Variants in PPM1E observed in about 807,000 individuals in gnomAD.
PPM1E encodes the protein protein phosphatase 1E.
PPM1E carries 20 observed loss-of-function variants against 65.9 expected under a neutral mutation model. That is an observed-to-expected ratio of 0.30 (90% CI 0.21 to 0.44). PPM1E has a LOEUF of 0.44. Among genes scored for constraint, PPM1E ranks in the 20% least tolerant of loss-of-function variants. PPM1E has a pLI of 1.00. For synonymous variants in PPM1E, 352 were observed against 374.9 expected, an observed-to-expected ratio of 0.94 and a Z score of 0.70; for missense variants, 713 against 953.1, an observed-to-expected ratio of 0.75 and a Z score of 3.32.
At chr17:58,923,775 C>A (rs1489362963) in intron 1 of PPM1E, among the ~76,000 whole-genome samples, 1 of 149,210 alleles carries the variant, frequency 6.7e-6, no homozygotes, top group Admixed American at 6.7e-5. Context: ...GTCATTTGGA[C>A]ATGGTGGCTT....
intron 1 of PPM1E, among the ~76,000 whole-genome samples, chr17:58,924,757 G>A (rs1447054681): frequency 2.9e-5 from 4 of 139,242 alleles, no homozygotes; most frequent in Non-Finnish European, 1.5e-5. Context: ...GCCCCGGTGT[G>A]TGCTATTCCC....
At chr17:58,939,072 A>G (rs974003860) in intron 1 of PPM1E, among the ~76,000 whole-genome samples, 1 of 151,970 alleles carries the variant, frequency 6.6e-6, no homozygotes, top group African/African-American at 2.4e-5. Flanking sequence ...ACAGGTGTGC[A>G]CCACCACGCC....
At chr17:58,921,916 T>C (rs2051756782) in intron 1 of PPM1E, among the ~76,000 whole-genome samples, 1 of 151,758 alleles carries the variant, frequency 6.6e-6, no homozygotes, top group Admixed American at 6.6e-5. Context: ...GGCACGCACC[T>C]GTAATCCCAG....
At chr17:58,845,363 C>T (rs555210114) in intron 1 of PPM1E, among the ~76,000 whole-genome samples, 21 of 150,434 alleles carry the variant, frequency 1.4e-4, no homozygotes, top group African/African-American at 5.1e-4. Context: ...TTCTGTCTTA[C>T]CCATTTTTAA....
At chr17:58,823,797 C>T (rs895497658) in intron 1 of PPM1E, among the ~76,000 whole-genome samples, 2 of 152,210 alleles carry the variant, frequency 1.3e-5, no homozygotes, top group African/African-American at 4.8e-5. Flanking sequence ...GTGGCTCGAT[C>T]TCAGCTCACT....
chr17:58,764,146 T>A (rs1452764758), intron 1 of PPM1E, among the ~76,000 whole-genome samples: 1 of 151,924 alleles, frequency 6.6e-6, no homozygotes, highest in Non-Finnish European at 1.5e-5. Flanking sequence ...ACCAAGTTTT[T>A]AAAATCCTGT....
At chr17:58,841,603 G>T (rs945935717) in intron 1 of PPM1E, among the ~76,000 whole-genome samples, 2 of 149,484 alleles carry the variant, frequency 1.3e-5, no homozygotes, top group Admixed American at 1.3e-4. Context: ...TTGACTCACT[G>T]CAGCCTCCAC....
intron 1 of PPM1E, among the ~76,000 whole-genome samples, chr17:58,934,416 G>A (rs1019294443): frequency 1.3e-5 from 2 of 152,118 alleles, no homozygotes; most frequent in African/African-American, 4.8e-5. Context: ...ACACTGTTTT[G>A]TAAATATATT....
At chr17:58,794,655 C>T (rs2050189004) in intron 1 of PPM1E, among the ~76,000 whole-genome samples, 1 of 152,090 alleles carries the variant, frequency 6.6e-6, no homozygotes, top group Admixed American at 6.6e-5. Context: ...TAAGTGAGAA[C>T]ATGCAATGTT....
intron 1 of PPM1E, among the ~76,000 whole-genome samples, chr17:58,767,566 C>T (rs1394574957): frequency 6.6e-6 from 1 of 152,178 alleles, no homozygotes; most frequent in African/African-American, 2.4e-5. Flanking sequence ...TGACACTGGT[C>T]TTTTTTCCTT....
intron 1 of PPM1E, among the ~76,000 whole-genome samples, chr17:58,936,881 T>G (rs2051988354): frequency 6.6e-6 from 1 of 152,244 alleles, no homozygotes; most frequent in South Asian, 2.1e-4. Context: ...AAGATGGCAA[T>G]ATTCAGTGCT....
Position 58,965,904 on chromosome 17 carries a change from C to G in PPM1E, c.783+11C>G. 2 of 1,612,410 alleles carry G rather than the reference C, an allele frequency of 1.2e-6. No individual in the cohort carries two copies. The highest frequency in any genetic ancestry group is 1.7e-6 in the Non-Finnish European group (2 of 1,178,552). On this transcript the variant is annotated intron_variant, in intron 3 of 6. Coordinates refer to ENST00000308249, the MANE Select transcript of PPM1E (RefSeq NM_014906.5). ...CTCTTCAACCTAGAGGTAAAGGGCA[C>G]TTTCGGAGAGTCAGTGAGATTTTAA...
chr17:58,931,301 G>A (rs371489531), intron 1 of PPM1E, among the ~76,000 whole-genome samples: 5 of 151,776 alleles, frequency 3.3e-5, no homozygotes, highest in Admixed American at 2.0e-4. Context: ...CAGGAGAATC[G>A]CTTGAACCCG....
chr17:58,837,320 A>ACACACACACACAC (rs1567849044), intron 1 of PPM1E, among the ~76,000 whole-genome samples: 1 of 120,242 alleles, frequency 8.3e-6, no homozygotes, highest in African/African-American at 3.3e-5. Flanking sequence ...GAATGAGAAT[A>ACACACACACACAC]ACACACACAC....
At chr17:58,899,712 A>T (rs2051474679) in intron 1 of PPM1E, 1 of 185,336 alleles carries the variant, frequency 5.4e-6, no homozygotes, top group African/African-American at 2.4e-5. Flanking sequence ...ACTACAGCTC[A>T]TGCTCCTCGA....
At chr17:58,846,519 T>C (rs1402921661) in intron 1 of PPM1E, among the ~76,000 whole-genome samples, 1 of 152,070 alleles carries the variant, frequency 6.6e-6, no homozygotes, top group Non-Finnish European at 1.5e-5. Context: ...GAACATGTGG[T>C]GTTTGGTTTT....
At chr17:58,882,642 C>CCTT (rs2051210198) in intron 1 of PPM1E, among the ~76,000 whole-genome samples, 1 of 152,154 alleles carries the variant, frequency 6.6e-6, no homozygotes, top group Non-Finnish European at 1.5e-5. Flanking sequence ...CCGCTCACCT[C>CCTT]AGCCTCCCAA....
At chr17:58,936,250 G>T (rs917856374) in intron 1 of PPM1E, among the ~76,000 whole-genome samples, 7 of 152,114 alleles carry the variant, frequency 4.6e-5, no homozygotes, top group Non-Finnish European at 7.3e-5. Flanking sequence ...ACTAAGTCAG[G>T]TGGAGAACTT....
At position 58,883,081 on chromosome 17, in the gene PPM1E, A is replaced by G. The variant is rs377767019; in HGVS notation, c.465-72568A>G. On this transcript the variant is annotated intron_variant, in intron 1 of 6. Coordinates refer to ENST00000308249, the MANE Select transcript of PPM1E (RefSeq NM_014906.5). ...GCAATTCTTCTGCCTCAGCCTCCCA[A>G]ACTAGCTGGGATTACAGGCGCCTGC... Among the ~76,000 whole-genome samples, 1,355 of 149,344 alleles carry G rather than the reference A, an allele frequency of 9.1e-3. 16 individuals are homozygous for G. The highest frequency in any genetic ancestry group is 0.032 in the African/African-American group (1,289 of 40,716).
Sources: allele counts gnomAD v4.1 joint callset (sites outside exome capture counted in the v4.1 genomes callset), GRCh38; gene constraint gnomAD v4.1.1; transcripts MANE v1.5; gene names NCBI Gene and HGNC (gene_info 2026-07-23, HGNC 2026-07-21).